Variants in KLHL1 observed in about 807,000 individuals in gnomAD.
KLHL1 encodes kelch-like protein 1.
In KLHL1, 47 loss-of-function variants were observed where a neutral mutation model predicts 77.7. The ratio of observed to expected loss-of-function variants is 0.60; its 90% CI spans 0.48 to 0.77. KLHL1 has a LOEUF of 0.77. Ranked by LOEUF, KLHL1 falls within the 30% of genes least tolerant of loss-of-function variation. The pLI is 0.00. For missense variants in KLHL1, 925 were observed against 910.8 expected, an observed-to-expected ratio of 1.02 and a Z score of -0.20; for synonymous variants, 360 against 325.2, an observed-to-expected ratio of 1.11 and a Z score of -1.15.
intron 1 of KLHL1, among the ~76,000 whole-genome samples, chr13:70,025,710 G>T (rs896188840): frequency 6.6e-6 from 1 of 150,962 alleles, no homozygotes; most frequent in Non-Finnish European, 1.5e-5. Context: ...GTATACATAT[G>T]ATATACATGT....
chr13:70,097,730 G>A (rs1308833258), intron 1 of KLHL1, among the ~76,000 whole-genome samples: 1 of 151,852 alleles, frequency 6.6e-6, no homozygotes, highest in Non-Finnish European at 1.5e-5. Context: ...ATAAGGCAAG[G>A]TGGTCTCCTT....
chr13:69,908,693 T>G (rs1882126585), intron 4 of KLHL1, among the ~76,000 whole-genome samples: 1 of 151,642 alleles, frequency 6.6e-6, no homozygotes, highest in Non-Finnish European at 1.5e-5. Context: ...TTTCCATAGC[T>G]TATGTAGACA....
chr13:69,743,583 G>A lies in KLHL1; in HGVS notation c.1640-3027C>T, dbSNP rs555432480. On this transcript the variant is annotated intron_variant, in intron 7 of 10. Coordinates refer to ENST00000377844, the MANE Select transcript of KLHL1 (RefSeq NM_020866.3). ...GCAAATCACTTGAGGCCAGGAGTTC[G>A]AGACCAGCCTGGCCAACAAGGCAAA... Among the ~76,000 whole-genome samples the A allele has an allele frequency of 9.2e-5, 14 of 152,146 alleles. No homozygotes were observed. The East Asian group carries it at 1.6e-3, about 17-fold the overall frequency.
At chr13:69,979,667 T>C (rs907144808) in intron 1 of KLHL1, among the ~76,000 whole-genome samples, 2 of 152,162 alleles carry the variant, frequency 1.3e-5, no homozygotes, top group African/African-American at 4.8e-5. Context: ...GAGTCCCTTA[T>C]ACAATGATCT....
intron 2 of KLHL1, 64 bp from the exon 3 acceptor site, chr13:69,961,508 A>G (rs1593990354): frequency 1.9e-6 from 3 of 1,546,852 alleles, no homozygotes; most frequent in Non-Finnish European, 2.7e-6. Flanking sequence ...TGTGTCAACC[A>G]GAATGCAACA....
intron 4 of KLHL1, among the ~76,000 whole-genome samples, chr13:69,916,225 C>T (rs1446396287): frequency 6.6e-6 from 1 of 152,044 alleles, no homozygotes; most frequent in East Asian, 1.9e-4. Flanking sequence ...TTTGACCCAG[C>T]CATCCCATTA....
At chr13:69,952,700 T>A (rs1883748791) in intron 3 of KLHL1, among the ~76,000 whole-genome samples, 1 of 151,402 alleles carries the variant, frequency 6.6e-6, no homozygotes, top group African/African-American at 2.4e-5. Flanking sequence ...GCACTTAGCA[T>A]CCTTCAACTG....
At chr13:70,089,715 T>G (rs952414219) in intron 1 of KLHL1, among the ~76,000 whole-genome samples, 1 of 152,126 alleles carries the variant, frequency 6.6e-6, no homozygotes, top group Non-Finnish European at 1.5e-5. Context: ...AAAACATGTA[T>G]TTTTGGCTTT....
At chr13:70,043,188 G>A (rs998468045) in intron 1 of KLHL1, among the ~76,000 whole-genome samples, 4 of 151,884 alleles carry the variant, frequency 2.6e-5, no homozygotes, top group African/African-American at 9.7e-5. Flanking sequence ...ACAGACATGA[G>A]CCACTGCAAC....
rs1349508148 is a variant in KLHL1 at position 70,107,925 on chromosome 13, C to G, written c.-226G>C. ...CGTGGTCGGGTCCGCAGGACCTGGGCGTGGGGACACCACCAGGCAGGAGCA... is the reference window on the plus strand; with the variant it reads ...CGTGGTCGGGTCCGCAGGACCTGGGGGTGGGGACACCACCAGGCAGGAGCA... On this transcript the variant is annotated 5_prime_UTR_variant, in exon 1 of 11. Transcript: ENST00000377844. 6.1e-6 allele frequency: 3 copies of G among 493,432 alleles called. No homozygotes were observed. Among genetic ancestry groups the G allele is most frequent in the South Asian group, 8.1e-5 (2 of 24,836 alleles). The allele number at this position is 493,432 out of a possible 1,614,324, so 30.6% of individuals were successfully genotyped here.
At chr13:69,730,620 C>G (rs1222041056) in intron 8 of KLHL1, among the ~76,000 whole-genome samples, 3 of 152,148 alleles carry the variant, frequency 2.0e-5, no homozygotes, top group Admixed American at 2.0e-4. Flanking sequence ...ATCACCCAGG[C>G]TATAGAGCAG....
chr13:69,765,177 C>T (rs1875235519), intron 7 of KLHL1, among the ~76,000 whole-genome samples: 1 of 151,682 alleles, frequency 6.6e-6, no homozygotes, highest in Non-Finnish European at 1.5e-5. Flanking sequence ...GTCTTGAACT[C>T]CTGGTCTCAG....
chr13:69,911,535 C>CT (rs1410313253), intron 4 of KLHL1, among the ~76,000 whole-genome samples: 1 of 147,732 alleles, frequency 6.8e-6, no homozygotes, highest in Non-Finnish European at 1.5e-5. Flanking sequence ...AGGCTCAAAT[C>CT]TTGGCTGCAG....
chr13:70,088,295 A>T (rs573887308), intron 1 of KLHL1, among the ~76,000 whole-genome samples: 1 of 151,956 alleles, frequency 6.6e-6, no homozygotes, highest in Non-Finnish European at 1.5e-5. Flanking sequence ...CAATCAACAG[A>T]TGTGTAAAGT....
intron 6 of KLHL1, among the ~76,000 whole-genome samples, chr13:69,803,852 C>A (rs1181388808): frequency 6.6e-6 from 1 of 152,144 alleles, no homozygotes; most frequent in Non-Finnish European, 1.5e-5. Context: ...TCTACAACCA[C>A]AAGGAATACA....
chr13:69,888,489 C>A (rs553821754), intron 4 of KLHL1, among the ~76,000 whole-genome samples: 1 of 152,040 alleles, frequency 6.6e-6, no homozygotes, highest in South Asian at 2.1e-4. Context: ...ACAGATACAC[C>A]GTGAATAGAA....
chr13:69,893,258 C>T (rs1441010100), intron 4 of KLHL1, among the ~76,000 whole-genome samples: 6 of 143,726 alleles, frequency 4.2e-5, no homozygotes, highest in African/African-American at 5.2e-5. Flanking sequence ...GAGGGAGTCT[C>T]GCTCTGTCGC....
intron 7 of KLHL1, among the ~76,000 whole-genome samples, chr13:69,772,400 C>G (rs908864121): frequency 6.6e-6 from 1 of 151,850 alleles, no homozygotes; most frequent in Non-Finnish European, 1.5e-5. Flanking sequence ...TCAAGCATTA[C>G]CTATATAAAA....
chr13:69,924,690 C>T (rs747181547), intron 4 of KLHL1, among the ~76,000 whole-genome samples: 14 of 152,316 alleles, frequency 9.2e-5, no homozygotes, highest in Middle Eastern at 3.4e-3. Context: ...AGCTGAAACA[C>T]GCCCCTTGCT....
Sources: gnomAD v4.1 joint callset for allele counts (sites outside exome capture counted in the v4.1 genomes callset) on GRCh38, gnomAD v4.1.1 for gene constraint, MANE v1.5 for transcripts, NCBI Gene and HGNC (gene_info 2026-07-23, HGNC 2026-07-21) for gene names.